Variants in SACS observed in about 807,000 individuals in gnomAD.
SACS encodes sacsin molecular chaperone.
SACS carries 197 observed loss-of-function variants against 348.0 expected under a neutral mutation model. The ratio of observed to expected loss-of-function variants is 0.57; its 90% CI spans 0.50 to 0.64. SACS has a LOEUF of 0.64. SACS is among the 30% of genes least tolerant of loss of function. The pLI, the probability that SACS is intolerant of heterozygous loss-of-function variation, is 0.00. For synonymous variants in SACS, 1,985 were observed against 1,910.6 expected (o/e 1.04, Z -1.02); for missense variants, 4,999 against 5,360.8 (o/e 0.93, Z 2.11).
rs369764649 is a variant in SACS, at chr13:23,344,866, A to G, written c.2186-3176T>C. ...AATCCCTCATTTGTTCAAAATAATAACATCAACATAATGAATCAGTACTCA... is the reference window on the plus strand; with the variant it reads ...AATCCCTCATTTGTTCAAAATAATAGCATCAACATAATGAATCAGTACTCA... On this transcript the variant is annotated intron_variant, in intron 9 of 9. Transcript: ENST00000382292. Among the ~76,000 whole-genome samples the G allele has an allele frequency of 2.0e-5, 3 of 152,356 alleles. No homozygotes were observed. In the East Asian group the frequency reaches 5.8e-4, roughly 29 times the overall value.
rs577638741 is a variant in SACS, at chr13:23,340,239, A to G, written c.3637T>C (p.Leu1213=). 305 of 1,611,062 alleles carry G rather than the reference A, an allele frequency of 1.9e-4. 4 individuals carry two copies. The South Asian group carries it at 3.2e-3, about 17-fold the overall frequency. Residue 1213 remains leucine (L), a synonymous_variant, in exon 10 of 10, where the codon TTA becomes CTA. Coordinates refer to ENST00000382292, the MANE Select transcript of SACS (RefSeq NM_014363.6). ...AGGCTAGGTTTTGTGAAGATCCCTA[A>G]TGCTTTTTCCAGGTTTACATGGATA... The part of the protein sequence containing the change: ...ESIHVNLEKA[L]GIFTKPSLSA...
At position 23,337,052 on chromosome 13, in the gene SACS, G is replaced by A. The variant is rs1183183615; in HGVS notation, c.6824C>T (p.Ser2275Leu). The change falls in exon 10 of 10, where the codon TCA becomes TTA. Residue 2275 changes from serine to leucine, a missense_variant. Physicochemically the swap from Ser to Leu is moderately radical, Grantham distance 145 (BLOSUM62 -2). Coordinates refer to ENST00000382292, the MANE Select transcript of SACS (RefSeq NM_014363.6). ...SHSFRGCGSV[S>L]LAVKEFLGLL... ...TCCCAAAAACTCTTTAACAGCCAAT[G>A]ACACTGAACCACAACCTCTAAAAGA... The A allele has an allele frequency of 9.9e-6, 16 of 1,613,816 alleles. No homozygotes were observed. Among genetic ancestry groups the A allele is most frequent in the Non-Finnish European group, 1.3e-5 (15 of 1,179,902 alleles).
In SACS at chr13:23,337,862, C is replaced by G; in HGVS notation, c.6014G>C (p.Gly2005Ala). Residue 2005 changes from glycine (G) to alanine (A), a missense_variant, in exon 10 of 10, where the codon GGT (glycine) becomes GCT (alanine). Coordinates refer to ENST00000382292, the MANE Select transcript of SACS (RefSeq NM_014363.6). Reference sequence around the variant, plus strand: ...CAAAAATATCTTGAAGGCTGCTGAACCAACATCTCTTCTTTTAAGTATAGA... The same window carrying G: ...CAAAAATATCTTGAAGGCTGCTGAAGCAACATCTCTTCTTTTAAGTATAGA... ...DDSILKRRDV[G>A]SAAFKIFLKY... The G allele has an allele frequency of 6.2e-7, 1 of 1,613,892 alleles. No homozygotes were observed. The highest frequency in any genetic ancestry group is 8.5e-7 in the Non-Finnish European group (1 of 1,179,960).
intron 1 of SACS, among the ~76,000 whole-genome samples, chr13:23,421,574 T>C (rs1441048530): frequency 1.3e-5 from 2 of 152,064 alleles, no homozygotes; most frequent in Non-Finnish European, 2.9e-5. Context: ...GTATCCTCTG[T>C]GGGATGGCTG....
At chr13:23,366,447 A>G (rs1047410501) in intron 5 of SACS, among the ~76,000 whole-genome samples, 1 of 152,114 alleles carries the variant, frequency 6.6e-6, no homozygotes, top group Non-Finnish European at 1.5e-5. Context: ...ACTATTTCTC[A>G]TGGGATTTTA....
chr13:23,402,256 C>A (rs946328986), intron 2 of SACS, among the ~76,000 whole-genome samples: 1 of 151,124 alleles, frequency 6.6e-6, no homozygotes, highest in African/African-American at 2.4e-5. Flanking sequence ...TTAGATCAAG[C>A]AGAACAACAA....
At chr13:23,426,100 G>A (rs965184063) in intron 1 of SACS, among the ~76,000 whole-genome samples, 7 of 152,164 alleles carry the variant, frequency 4.6e-5, no homozygotes, top group South Asian at 2.1e-4. Context: ...CCCATACTTC[G>A]TTTAAATCCC....
At position 23,331,343 on chromosome 13, in the gene SACS, G is replaced by C; in HGVS notation, c.12533C>G (p.Pro4178Arg). 1 of 1,613,840 alleles carries C rather than the reference G, an allele frequency of 6.2e-7. No individual in the cohort carries two copies. The highest frequency in any genetic ancestry group is 1.3e-5 in the African/African-American group (1 of 74,964). ...LLMDPMNVFY[P>R]GEYVGYLVDA... is the part of the protein sequence containing the mutation. The stretch of plus-strand genomic sequence containing the variant: ...AACAAGGTACCCAACATATTCTCCC[G>C]GGTAAAAAACATTCATTGGGTCCAT... The change falls in exon 10 of 10, where the codon CCG becomes CGG. Residue 4178 changes from proline (P) to arginine (R), a missense_variant. Pro to Arg is a moderately radical substitution (Grantham distance 103, BLOSUM62 -2). Around this residue, in one of 6 missense-constraint regions of SACS, gnomAD observed 831 missense variants for 941.8 expected, o/e 0.88. Coordinates refer to ENST00000382292, the MANE Select transcript of SACS (RefSeq NM_014363.6).
At chr13:23,368,040 C>T (rs1363318491) in intron 5 of SACS, among the ~76,000 whole-genome samples, 2 of 152,162 alleles carry the variant, frequency 1.3e-5, no homozygotes, top group South Asian at 2.1e-4. Flanking sequence ...AGCCTCTAAT[C>T]GTAGAATGTA....
In SACS at chr13:23,375,107, G is replaced by A. The variant is rs779440829; in HGVS notation, c.171+12C>T. The A allele has an allele frequency of 6.7e-7, 1 of 1,489,650 alleles. No individual in the cohort carries two copies. The highest frequency in any genetic ancestry group is 8.9e-7 in the Non-Finnish European group (1 of 1,119,914). 92.3% of individuals were successfully genotyped at this position (1,489,650 alleles called of 1,614,324 possible). ...GGCGGAGCCCAGCCCAGCGCCCCCG[G>A]CCACCGCCTACCTCGCGGCCGCCGC... On this transcript the variant is annotated intron_variant, in intron 3 of 9. Coordinates refer to ENST00000382292, the MANE Select transcript of SACS (RefSeq NM_014363.6).
Position 23,368,396 on chromosome 13 carries a change from C to A in SACS, c.345+6G>T. 6.3e-7 allele frequency: 1 copy of A among 1,595,256 alleles called. No homozygotes were observed. Among genetic ancestry groups the A allele is most frequent in the Non-Finnish European group, 8.6e-7 (1 of 1,164,282 alleles). On this transcript the variant is annotated splice_donor_region_variant and intron_variant, in intron 5 of 9. Coordinates refer to ENST00000382292, the MANE Select transcript of SACS (RefSeq NM_014363.6). ...AAATAACACATGAACACGACATGTG[C>A]CCCACCTTAAGAATCTGTCCTCCTT... is the stretch of plus-strand genomic sequence containing the variant.
chr13:23,399,027 A>AAAAAACAAAAAAC (rs1872837623), intron 2 of SACS, among the ~76,000 whole-genome samples: 1 of 150,296 alleles, frequency 6.7e-6, no homozygotes, highest in Non-Finnish European at 1.5e-5. Flanking sequence ...CTCAAAAAAA[A>AAAAAACAAAAAAC]AAAAAAAAAA....
At chr13:23,400,645 C>A (rs1872932646) in intron 2 of SACS, among the ~76,000 whole-genome samples, 1 of 152,186 alleles carries the variant, frequency 6.6e-6, no homozygotes, top group Non-Finnish European at 1.5e-5. Flanking sequence ...TGGTCTCGAT[C>A]TCCTGACCTC....
rs1401146887 is a variant in SACS at position 23,354,861 on chromosome 13, A to G, written c.1751T>C (p.Leu584Ser). The change falls in exon 8 of 10, where the codon TTA (leucine) becomes TCA (serine). Residue 584 changes from leucine (L) to serine (S), a missense_variant. Leu to Ser is a moderately radical substitution (Grantham distance 145). Around this residue, in one of 6 missense-constraint regions of SACS, gnomAD observed 3,156 missense variants for 3,380.1 expected, o/e 0.93. Coordinates refer to ENST00000382292, the MANE Select transcript of SACS (RefSeq NM_014363.6). The stretch of plus-strand genomic sequence containing the variant: ...GTTGAGCACAGTTTTTGTGTATTCT[A>G]AATTTTCATCAAGTTCTGAGAAGTA... ...QVYFSELDENLEYTKTVLNYL... is the reference protein window; with the variant it reads ...QVYFSELDENSEYTKTVLNYL... The G allele has an allele frequency of 6.2e-7, 1 of 1,614,188 alleles. No homozygotes were observed. The highest frequency in any genetic ancestry group is 1.1e-5 in the South Asian group (1 of 91,082).
In SACS at chr13:23,358,334, C is replaced by T. The variant is rs1555254734; in HGVS notation, c.604+1G>A. 2 of 1,613,656 alleles carry T rather than the reference C, an allele frequency of 1.2e-6. No individual in the cohort carries two copies. The highest frequency in any genetic ancestry group is 1.7e-6 in the Non-Finnish European group (2 of 1,179,558). On this transcript the variant is annotated splice_donor_variant, in intron 7 of 9. Transcript: ENST00000382292. LOFTEE classifies it high-confidence loss of function. ...CAAGACCGAAAAGCCTAATACTCTA[C>T]CTGTTATATGATAGACAGAATTAAA...
In SACS at chr13:23,330,991, G is replaced by A. The variant is rs758547349; in HGVS notation, c.12885C>T (p.Pro4295=). The A allele has an allele frequency of 4.3e-6, 7 of 1,613,962 alleles. No homozygotes were observed. The highest frequency in any genetic ancestry group is 5.9e-6 in the Non-Finnish European group (7 of 1,179,960). ...SHKTSSKHQS[P]KKLKVNSLPE... ...GTAAAGAATTAACCTTAAGCTTTTT[G>A]GGGGACTGATGTTTGGAAGAAGTCT... The change falls in exon 10 of 10, where the codon CCC becomes CCT. Residue 4295 remains proline (P), a synonymous_variant. Transcript: ENST00000382292.
At position 23,340,725 on chromosome 13, in the gene SACS, C is replaced by T. The variant is rs1410729456; in HGVS notation, c.3151G>A (p.Gly1051Ser). ...QISQEQMVSA[G>S]ELFDPDIEVL... ...TCTATATCAGGGTCAAAGAGTTCAC[C>T]AGCTGATACCATCTGTTCCTGTGAT... is the stretch of plus-strand genomic sequence containing the variant. Residue 1051 changes from glycine (G) to serine (S), a missense_variant, in exon 10 of 10, where the codon GGT (glycine) becomes AGT (serine). This residue lies in a region of SACS where 3,156 missense variants were observed against 3,380.1 expected (regional missense o/e 0.93). Coordinates refer to ENST00000382292, the MANE Select transcript of SACS (RefSeq NM_014363.6). 2.5e-6 allele frequency: 4 copies of T among 1,597,186 alleles called. No homozygotes were observed. The highest frequency in any genetic ancestry group is 2.2e-5 in the East Asian group (1 of 44,750).
chr13:23,372,050 G>T (rs941097953), intron 3 of SACS, among the ~76,000 whole-genome samples: 1 of 152,038 alleles, frequency 6.6e-6, no homozygotes, highest in African/African-American at 2.4e-5. Flanking sequence ...TTTTTAATTG[G>T]TGTATAATAG....
At chr13:23,351,426 G>A (rs370074701) in intron 9 of SACS, among the ~76,000 whole-genome samples, 3 of 152,248 alleles carry the variant, frequency 2.0e-5, no homozygotes, top group African/African-American at 7.2e-5. Flanking sequence ...TAGGGGTGGT[G>A]TTCTCGTGGT....
Sources: gnomAD v4.1 joint callset for allele counts (sites outside exome capture counted in the v4.1 genomes callset) on GRCh38, gnomAD v4.1.1 for gene constraint, gnomAD v4.1.1 regional missense constraint, MANE v1.5 for transcripts, NCBI Gene and HGNC (gene_info 2026-07-23, HGNC 2026-07-21) for gene names.